Variants in PLEKHA7 observed in about 807,000 individuals in gnomAD.
PLEKHA7 encodes pleckstrin homology domain-containing family A member 7.
A neutral mutation model predicts 170.0 loss-of-function variants in PLEKHA7; 104 were observed. That is an observed-to-expected ratio of 0.61 (90% confidence interval 0.52 to 0.72). The LOEUF (loss-of-function observed/expected upper bound fraction) is 0.72. PLEKHA7 is among the 30% of genes least tolerant of loss of function. The pLI is 0.00. For synonymous variants in PLEKHA7, 648 were observed against 660.8 expected (o/e 0.98, Z 0.30); for missense variants, 1,615 against 1,671.7 (o/e 0.97, Z 0.59).
intron 3 of PLEKHA7, among the ~76,000 whole-genome samples, chr11:16,938,245 C>T (rs1403077465): frequency 6.6e-6 from 1 of 152,090 alleles, no homozygotes; most frequent in African/African-American, 2.4e-5. Context: ...CCCTTTGTGT[C>T]CCCTTGCTGG....
At chr11:16,788,981 T>G in intron 23 of PLEKHA7, 115 bp downstream of exon 23, 6 of 1,299,514 alleles carry the variant, frequency 4.6e-6, no homozygotes, top group Non-Finnish European at 6.3e-6. Flanking sequence ...CTCTGAACCA[T>G]GTAGGTCAAT....
intron 3 of PLEKHA7, among the ~76,000 whole-genome samples, chr11:16,927,889 A>C (rs1256210687): frequency 6.6e-6 from 1 of 152,212 alleles, no homozygotes; most frequent in Middle Eastern, 3.2e-3. Context: ...GTACATGCTT[A>C]CGATGGAATA....
In PLEKHA7 at chr11:16,948,633, C is replaced by T. The variant is rs952735891; in HGVS notation, c.221+65356G>A. On this transcript the variant is annotated intron_variant, in intron 3 of 26. Transcript: ENST00000531066. ...CCACATGCACACACATGTGCACACA[C>T]ACAGAGTGAAGGAGGAACACACACA... Among the ~76,000 whole-genome samples, 4 of 128,908 alleles carry T rather than the reference C, an allele frequency of 3.1e-5. No individual in the cohort carries two copies. The Admixed American group carries it at 3.4e-4, about 11-fold the overall frequency. 84.6% of individuals were successfully genotyped at this position (128,908 alleles called of 152,430 possible).
At chr11:16,940,281 G>GT (rs71047516) in intron 3 of PLEKHA7, among the ~76,000 whole-genome samples, 2,903 of 110,296 alleles carry the variant, frequency 0.026, 76 homozygotes, top group Non-Finnish European at 0.036. Context: ...TTCTTCTGCT[G>GT]TTTTTTTTTT....
intron 9 of PLEKHA7, among the ~76,000 whole-genome samples, chr11:16,833,252 C>T (rs559325434): frequency 3.3e-5 from 5 of 152,082 alleles, no homozygotes; most frequent in Admixed American, 2.0e-4. Context: ...CAGAGAAGAG[C>T]GAGGCTGCAG....
rs12049883 is a variant in PLEKHA7, at chr11:16,847,335, G to A, written c.696+3856C>T. 4.6e-4 allele frequency among the ~76,000 whole-genome samples: 70 copies of A among 151,854 alleles called. 1 individual carries two copies. The East Asian group carries it at 9.6e-3, about 21-fold the overall frequency. ...TCTCGATCTCCTGACCTCGTGATCC[G>A]CCCCCCTCTGCCTCCCAAAGTCCTG... On this transcript the variant is annotated intron_variant, in intron 8 of 26. Coordinates refer to ENST00000531066, the MANE Select transcript of PLEKHA7 (RefSeq NM_001329630.2).
intron 3 of PLEKHA7, among the ~76,000 whole-genome samples, chr11:16,941,364 C>T (rs960543310): frequency 6.6e-6 from 1 of 152,112 alleles, no homozygotes; most frequent in African/African-American, 2.4e-5. Context: ...TATTGAACAC[C>T]TGGATCTCTA....
At chr11:16,843,938 A>AAAAC (rs1172234823) in intron 8 of PLEKHA7, among the ~76,000 whole-genome samples, 4 of 152,156 alleles carry the variant, frequency 2.6e-5, no homozygotes, top group East Asian at 1.9e-4. Flanking sequence ...CTCTGCCTCA[A>AAAAC]AAACAAACAA....
chr11:16,926,064 G>C (rs1323548501), intron 3 of PLEKHA7, among the ~76,000 whole-genome samples: 1 of 152,196 alleles, frequency 6.6e-6, no homozygotes, highest in Non-Finnish European at 1.5e-5. Context: ...GGTTGCTGTC[G>C]TCTCCCCTCC....
At chr11:16,978,712 C>G (rs4757465) in intron 3 of PLEKHA7, among the ~76,000 whole-genome samples, 34,538 of 152,164 alleles carry the variant, frequency 0.23, 4,807 homozygotes, top group Non-Finnish European at 0.32. Flanking sequence ...CATACCTTTG[C>G]AACTTGTCTA....
chr11:16,853,778 G>C (rs746260906), intron 6 of PLEKHA7, among the ~76,000 whole-genome samples: 1 of 152,194 alleles, frequency 6.6e-6, no homozygotes, highest in African/African-American at 2.4e-5. Flanking sequence ...GGGCACAAGA[G>C]ACGGTGGTAC....
intron 3 of PLEKHA7, among the ~76,000 whole-genome samples, chr11:16,938,143 G>A (rs958634438): frequency 2.6e-5 from 4 of 152,026 alleles, no homozygotes; most frequent in Admixed American, 2.6e-4. Context: ...AGTGTTCATG[G>A]ACCTTCAGAG....
At chr11:16,898,242 T>C (rs896297281) in intron 3 of PLEKHA7, among the ~76,000 whole-genome samples, 6 of 152,228 alleles carry the variant, frequency 3.9e-5, no homozygotes, top group Admixed American at 2.6e-4. Context: ...TTATCAAACA[T>C]TATGAAACTA....
intron 3 of PLEKHA7, among the ~76,000 whole-genome samples, chr11:16,905,510 C>G (rs1000097613): frequency 3.3e-5 from 5 of 152,148 alleles, no homozygotes; most frequent in Admixed American, 3.3e-4. Context: ...GAGCCCACAG[C>G]CCCTCTCCAA....
At chr11:16,920,853 G>A (rs1488713529) in intron 3 of PLEKHA7, among the ~76,000 whole-genome samples, 1 of 152,164 alleles carries the variant, frequency 6.6e-6, no homozygotes, top group Non-Finnish European at 1.5e-5. Context: ...AGCCTCACCC[G>A]TGGTATCTCA....
intron 3 of PLEKHA7, among the ~76,000 whole-genome samples, chr11:16,916,911 C>T (rs952961200): frequency 1.3e-5 from 2 of 152,140 alleles, no homozygotes; most frequent in Non-Finnish European, 2.9e-5. Context: ...TCGGACACTA[C>T]CACTATTATC....
Position 16,854,881 on chromosome 11 carries a change from T to A in PLEKHA7, c.522+8A>T. The A allele has an allele frequency of 6.2e-7, 1 of 1,612,618 alleles. No homozygotes were observed. The highest frequency in any genetic ancestry group is 8.5e-7 in the Non-Finnish European group (1 of 1,178,672). Reference sequence around the variant, plus strand: ...TCCTCCAGGATTCTCACTCCTCGGCTTCCTCACCTGCTTGTGCAGCCAGCC... The same window carrying A: ...TCCTCCAGGATTCTCACTCCTCGGCATCCTCACCTGCTTGTGCAGCCAGCC... On this transcript the variant is annotated splice_region_variant and intron_variant, in intron 6 of 26. Coordinates refer to ENST00000531066, the MANE Select transcript of PLEKHA7 (RefSeq NM_001329630.2).
chr11:16,970,518 A>G (rs1488074608), intron 3 of PLEKHA7, among the ~76,000 whole-genome samples: 1 of 152,026 alleles, frequency 6.6e-6, no homozygotes, highest in African/African-American at 2.4e-5. Flanking sequence ...AATAAAAAAA[A>G]TAGCCAGATG....
At chr11:16,992,123 G>A (rs978626983) in intron 3 of PLEKHA7, among the ~76,000 whole-genome samples, 4 of 152,140 alleles carry the variant, frequency 2.6e-5, no homozygotes, top group Non-Finnish European at 5.9e-5. Context: ...TCTCTGCAGA[G>A]CTCCAGGCTG....
Sources: allele counts gnomAD v4.1 joint callset (sites outside exome capture counted in the v4.1 genomes callset), GRCh38; gene constraint gnomAD v4.1.1; transcripts MANE v1.5; gene names NCBI Gene and HGNC (gene_info 2026-07-23, HGNC 2026-07-21).